Variants in BMP8B observed in about 807,000 individuals in gnomAD.
The protein encoded by BMP8B is bone morphogenetic protein 8b.
Under a neutral mutation model 30.3 loss-of-function variants are expected in BMP8B, and 17 were observed. The ratio of observed to expected loss-of-function variants is 0.56; its 90% CI spans 0.38 to 0.84. The LOEUF is 0.84. Ranked by LOEUF, BMP8B falls within the 40% of genes least tolerant of loss-of-function variation. The probability of loss-of-function intolerance (pLI) is 0.00; values close to 1 mark genes in which losing one functional copy is unlikely to be tolerated. For synonymous variants in BMP8B, 131 were observed against 214.7 expected (o/e 0.61, Z 3.41); for missense variants, 253 against 494.6 (o/e 0.51, Z 4.63).
chr1:39,772,393 CA>C (rs1650022634), intron 3 of BMP8B, among the ~76,000 whole-genome samples: 1 of 81,416 alleles, frequency 1.2e-5, no homozygotes, highest in Non-Finnish European at 2.4e-5. Flanking sequence ...CTTTCTTCTC[CA>C]TCACTACCCT....
At position 39,757,236 on chromosome 1, in the gene BMP8B, AAATTC is replaced by A. The variant is rs1260291208; in HGVS notation, c.*3178_*3182del. 6.6e-6 allele frequency: 1 copy of A among 152,264 alleles called. No individual in the cohort carries two copies. Among genetic ancestry groups the A allele is most frequent in the East Asian group, 1.9e-4 (1 of 5,202 alleles). 9.4% of individuals were successfully genotyped at this position (152,264 alleles called of 1,614,324 possible). On this transcript the variant is annotated 3_prime_UTR_variant, in exon 7 of 7. Transcript: ENST00000372827. Reference sequence around the variant, plus strand: ...ACATAGAAGTGGCTCAAAAATAAGCAAATTCATTTGTAATAATACCAGCAAATACC... The same window carrying A: ...ACATAGAAGTGGCTCAAAAATAAGCAATTTGTAATAATACCAGCAAATACC...
At chr1:39,763,943 C>G in intron 4 of BMP8B, 152 bp from the exon 5 acceptor site, 1 of 1,065,852 alleles carries the variant, frequency 9.4e-7, no homozygotes, top group Non-Finnish European at 1.3e-6. Context: ...ATCCCTGGAA[C>G]TCTGCTTGTA....
At chr1:39,771,269 C>T (rs1471852589) in intron 3 of BMP8B, 7 of 1,509,828 alleles carry the variant, frequency 4.6e-6, no homozygotes, top group East Asian at 2.5e-5. Context: ...CGGCCCGGGT[C>T]GGAGGCCAGG....
At chr1:39,760,794 G>T (rs1236901941) in intron 6 of BMP8B, among the ~76,000 whole-genome samples, 1 of 152,196 alleles carries the variant, frequency 6.6e-6, no homozygotes, top group Non-Finnish European at 1.5e-5. Context: ...ATGGCAGGGG[G>T]TGTGCAGCAG....
rs1384949947 is a variant in BMP8B, at chr1:39,788,240, G to T, written c.246C>A (p.His82Gln). The T allele has an allele frequency of 6.4e-7, 1 of 1,565,754 alleles. No individual in the cohort carries two copies. The highest frequency in any genetic ancestry group is 1.1e-5 in the South Asian group (1 of 89,092). The change falls in exon 1 of 7, where the codon CAC (histidine) becomes CAA (glutamine). Residue 82 changes from histidine to glutamine, a missense_variant. Physicochemically the swap from His to Gln is conservative, Grantham distance 24. Around this residue, in one of 7 missense-constraint regions of BMP8B, gnomAD observed 52 missense variants for 68.3 expected, o/e 0.76. Coordinates refer to ENST00000372827, the MANE Select transcript of BMP8B (RefSeq NM_001720.5). This position sits in a 1 kb window ranked among gnomAD's most constrained non-coding sequence, Gnocchi z 5.8. The part of the protein sequence containing the change: ...SAPLFMLDLY[H>Q]AMAGDDDEDG... ...CCTCGTCGTCGTCGCCGGCCATGGCGTGGTACAGGTCCAGCATGAAGAGCG... is the reference window on the plus strand; with the variant it reads ...CCTCGTCGTCGTCGCCGGCCATGGCTTGGTACAGGTCCAGCATGAAGAGCG...
intron 1 of BMP8B, among the ~76,000 whole-genome samples, chr1:39,775,613 G>A (rs1008168903): frequency 1.4e-4 from 21 of 152,232 alleles, no homozygotes; most frequent in African/African-American, 5.1e-4. Context: ...CATGGTGTCA[G>A]GGAGACGGGC....
intron 1 of BMP8B, among the ~76,000 whole-genome samples, chr1:39,786,776 C>T (rs979768964): frequency 2.0e-5 from 3 of 152,214 alleles, no homozygotes; most frequent in Admixed American, 6.5e-5. Context: ...CAGATCCCAC[C>T]GGCTAGAGTC....
intron 1 of BMP8B, among the ~76,000 whole-genome samples, chr1:39,779,691 G>A (rs943049964): frequency 1.3e-4 from 20 of 152,266 alleles, no homozygotes; most frequent in Admixed American, 1.0e-3. Context: ...GCTGAGAGGC[G>A]GGAGATGCTG....
rs1648743114 is a variant in BMP8B at position 39,760,188 on chromosome 1, G to A, written c.*231C>T. The A allele has an allele frequency of 1.4e-6, 1 of 715,604 alleles. No individual in the cohort carries two copies. Among genetic ancestry groups the A allele is most frequent in the Non-Finnish European group, 2.2e-6 (1 of 447,798 alleles). The allele number at this position is 715,604 out of a possible 1,614,324, so 44.3% of individuals were successfully genotyped here. On this transcript the variant is annotated 3_prime_UTR_variant, in exon 7 of 7. Coordinates refer to ENST00000372827, the MANE Select transcript of BMP8B (RefSeq NM_001720.5). ...GGCGTTTGCATTTGGGTAGAACACT[G>A]CCTGATGATTGAGACCACCTGGGCT...
intron 1 of BMP8B, among the ~76,000 whole-genome samples, chr1:39,784,089 C>T (rs916068376): frequency 6.6e-6 from 1 of 152,158 alleles, no homozygotes; most frequent in African/African-American, 2.4e-5. Flanking sequence ...GGACAATCTG[C>T]TGTGTGGCCT....
chr1:39,769,818 C>G (rs369351852), intron 3 of BMP8B: 3 of 1,613,550 alleles, frequency 1.9e-6, no homozygotes, highest in Non-Finnish European at 2.5e-6. Flanking sequence ...AGCGTCAGCT[C>G]TTTCTTCCTG....
chr1:39,762,742 G>C, intron 6 of BMP8B: 3 of 1,397,258 alleles, frequency 2.1e-6, no homozygotes, highest in Non-Finnish European at 2.9e-6. Flanking sequence ...CGTGTGCTAA[G>C]ATCACACAGC....
At chr1:39,769,439 A>G (rs1649795025) in intron 3 of BMP8B, 2 of 400,248 alleles carry the variant, frequency 5.0e-6, no homozygotes, top group African/African-American at 4.1e-5. Context: ...CTCTGTGTAA[A>G]CATCACAGAG....
chr1:39,788,494 G>T lies in BMP8B; in HGVS notation c.-9C>A, dbSNP rs1475748089. 3.5e-5 allele frequency: 35 copies of T among 1,012,262 alleles called. No homozygotes were observed. The South Asian group carries it at 1.3e-3, about 39-fold the overall frequency. 62.7% of individuals were successfully genotyped at this position (1,012,262 alleles called of 1,614,324 possible). ...CCGGGGAGCGCGGTCATGGCAGGCC[G>T]GGGGCGCTCAGCTGGGGCGCTCAGC... On this transcript the variant is annotated 5_prime_UTR_variant, in exon 1 of 7. Transcript: ENST00000372827. The surrounding 1 kb of genome is among the most constrained non-coding windows in gnomAD (Gnocchi z 5.8).
rs1651185184 is a variant in BMP8B at position 39,788,701 on chromosome 1, A to T, written c.-216T>A. ...CTGGCTCCTGGACGAGAGGACGCGG[A>T]CGCCACCGCCTCGAGGCCGGGGCTA... is the stretch of plus-strand genomic sequence containing the variant. On this transcript the variant is annotated 5_prime_UTR_variant, in exon 1 of 7. Coordinates refer to ENST00000372827, the MANE Select transcript of BMP8B (RefSeq NM_001720.5). This position sits in a 1 kb window ranked among gnomAD's most constrained non-coding sequence, Gnocchi z 5.8. 4.2e-6 allele frequency: 1 copy of T among 240,260 alleles called. No homozygotes were observed. The allele number at this position is 240,260 out of a possible 1,614,324, so 14.9% of individuals were successfully genotyped here.
chr1:39,788,114 C>T lies in BMP8B; in HGVS notation c.334+38G>A, dbSNP rs230329. On this transcript the variant is annotated intron_variant, in intron 1 of 6. Transcript: ENST00000372827. The surrounding 1 kb of genome is among the most constrained non-coding windows in gnomAD (Gnocchi z 5.8). ...ATGCGCGCCCCTCCCCTGCAGCCAG[C>T]TTACTCCGAGGGTCCCCGCGCGGGC... The T allele has an allele frequency of 0.49, 737,968 of 1,520,220 alleles. 181,499 individuals carry two copies. Among genetic ancestry groups the T allele is most frequent in the Middle Eastern group, 0.68 (3,404 of 5,024 alleles). 94.2% of individuals were successfully genotyped at this position (1,520,220 alleles called of 1,614,324 possible).
At chr1:39,762,586 T>G (rs773584499) in intron 6 of BMP8B, 95 of 1,544,850 alleles carry the variant, frequency 6.1e-5, no homozygotes, top group East Asian at 9.8e-5. Context: ...AGAGAGAAAC[T>G]GGGGGAAAAG....
At chr1:39,766,777 A>G (rs1019271906) in intron 3 of BMP8B, among the ~76,000 whole-genome samples, 2 of 145,770 alleles carry the variant, frequency 1.4e-5, no homozygotes, top group Non-Finnish European at 3.0e-5. Context: ...AGTCAAGGTT[A>G]TGGGGAAGCA....
chr1:39,785,926 G>A lies in BMP8B; in HGVS notation c.334+2226C>T, dbSNP rs75832426. ...GAAGGCCTTTCTGACAGCTGGCTGC[G>A]CCCACCCACAGCCTGGGCTTCCACT... On this transcript the variant is annotated intron_variant, in intron 1 of 6. Coordinates refer to ENST00000372827, the MANE Select transcript of BMP8B (RefSeq NM_001720.5). 9.7e-4 allele frequency among the ~76,000 whole-genome samples: 148 copies of A among 152,324 alleles called. 1 individual carries two copies. The East Asian group carries it at 0.025, about 26-fold the overall frequency.
Sources: allele counts gnomAD v4.1 joint callset (sites outside exome capture counted in the v4.1 genomes callset), GRCh38; gene constraint gnomAD v4.1.1; regional missense constraint gnomAD v4.1.1; non-coding constraint Gnocchi (gnomAD v3.1); transcripts MANE v1.5; gene names NCBI Gene and HGNC (gene_info 2026-07-23, HGNC 2026-07-21).